Variants in FBXO46 observed in about 807,000 individuals in gnomAD.
FBXO46 encodes the protein F-box protein 46.
In FBXO46, 13 loss-of-function variants were observed where a neutral mutation model predicts 30.7. The ratio of observed to expected loss-of-function variants is 0.42; its 90% CI spans 0.28 to 0.67. The LOEUF is 0.67. FBXO46 is among the 30% of genes least tolerant of loss of function. The probability of loss-of-function intolerance (pLI) is 0.21; values close to 1 mark genes in which losing one functional copy is unlikely to be tolerated. For synonymous variants in FBXO46, 467 were observed against 385.8 expected (o/e 1.21, Z -2.47); for missense variants, 754 against 871.5 (o/e 0.87, Z 1.70).
At chr19:45,733,115 C>G (rs1968349748), upstream of FBXO46, 1 of 152,190 alleles carries the variant, frequency 6.6e-6, no homozygotes, top group Non-Finnish European at 1.5e-5. The surrounding 1 kb of genome is among the most constrained non-coding windows in gnomAD (Gnocchi z 5.7). Context: ...CGAGCTCGCT[C>G]TCTCTCTCTT....
At position 45,713,018 on chromosome 19, in the gene FBXO46, G is replaced by A. The variant is rs111806912; in HGVS notation, c.478C>T (p.Pro160Ser). 6.5e-4 allele frequency: 1,009 copies of A among 1,557,336 alleles called. 2 individuals are homozygous for A. In the African/African-American group the frequency reaches 0.012, roughly 18 times the overall value. ...REGPPAAEEG[P>S]ASAGEDVDLL... ...TCCACGTCCTCACCGGCTGAGGCGG[G>A]GCCCTCCTCAGCAGCAGGGGGGCCC... Residue 160 changes from proline to serine, a missense_variant, in exon 2 of 2, where the codon CCC becomes TCC. Coordinates refer to ENST00000317683, the MANE Select transcript of FBXO46 (RefSeq NM_001080469.2). This position sits in a 1 kb window ranked among gnomAD's most constrained non-coding sequence, Gnocchi z 4.7.
rs11537711 is a variant in FBXO46, at chr19:45,713,384, G to T, written c.112C>A (p.Pro38Thr). The T allele has an allele frequency of 0.13, 206,837 of 1,611,588 alleles. 13,682 individuals carry two copies. Among genetic ancestry groups the T allele is most frequent in the South Asian group, 0.15 (13,585 of 90,982 alleles). Reference protein sequence around the residue: ...PSAALKPSACPEPGGGAEPDH... With the variant: ...PSAALKPSACTEPGGGAEPDH... ...GGCTCGGCCCCGCCACCAGGCTCAG[G>T]GCAGGCTGATGGCTTGAGGGCCGCA... Residue 38 changes from proline (P) to threonine (T), a missense_variant, in exon 2 of 2, where the codon CCT becomes ACT. This residue lies in a region of FBXO46 where 97 missense variants were observed against 113.0 expected (regional missense o/e 0.86). Transcript: ENST00000317683. This position sits in a 1 kb window ranked among gnomAD's most constrained non-coding sequence, Gnocchi z 4.7.
Position 45,712,683 on chromosome 19 carries a change from G to A in FBXO46, c.813C>T (p.Pro271=), listed in dbSNP as rs371307704. ...IAFRISNGRE[P]RAPDSGLPSG... is the part of the protein sequence containing the mutation. ...TGGGCAGGCCGCTGTCTGGTGCACG[G>A]GGCTCCCGGCCGTTGGAGATGCGGA... Residue 271 remains proline (P), a synonymous_variant, in exon 2 of 2, where the codon CCC becomes CCT. Transcript: ENST00000317683. The surrounding 1 kb of genome is among the most constrained non-coding windows in gnomAD (Gnocchi z 8.8). 284 of 1,612,740 alleles carry A rather than the reference G, an allele frequency of 1.8e-4. No individual in the cohort carries two copies. The African/African-American group carries it at 3.5e-3, about 20-fold the overall frequency.
intron 1 of FBXO46, among the ~76,000 whole-genome samples, chr19:45,727,312 C>T (rs1968253092): frequency 6.6e-6 from 1 of 151,726 alleles, no homozygotes; most frequent in Non-Finnish European, 1.5e-5. Context: ...AATCCCAACA[C>T]TTAGGGAAGT....
chr19:45,733,062 A>C (rs1015437036), upstream of FBXO46, among the ~76,000 whole-genome samples: 1 of 152,038 alleles, frequency 6.6e-6, no homozygotes, highest in Non-Finnish European at 1.5e-5. The surrounding 1 kb of genome is among the most constrained non-coding windows in gnomAD (Gnocchi z 5.7). Flanking sequence ...AACTGAAGGG[A>C]AAAGGTGGAA....
At chr19:45,715,264 A>G (rs952035061) in intron 1 of FBXO46, 1 of 152,236 alleles carries the variant, frequency 6.6e-6, no homozygotes, top group East Asian at 1.9e-4. Context: ...TTAAACCTTG[A>G]AACTTCCACA....
chr19:45,731,339 C>A (rs904344817), upstream of FBXO46, among the ~76,000 whole-genome samples: 2 of 141,602 alleles, frequency 1.4e-5, no homozygotes, highest in African/African-American at 5.3e-5. Context: ...TTTTTTGAGA[C>A]GGAGTCTTGC....
In FBXO46 at chr19:45,711,157, A is replaced by T. The variant is rs1296601081; in HGVS notation, c.*527T>A. On this transcript the variant is annotated 3_prime_UTR_variant, in exon 2 of 2. Coordinates refer to ENST00000317683, the MANE Select transcript of FBXO46 (RefSeq NM_001080469.2). ...TCTAGAAATGGACTGTCATAAAAAAATGCCAGATCCCACCTGTGACCTGAC... is the reference window on the plus strand; with the variant it reads ...TCTAGAAATGGACTGTCATAAAAAATTGCCAGATCCCACCTGTGACCTGAC... The T allele has an allele frequency of 7.4e-6, 3 of 403,634 alleles. No individual in the cohort carries two copies. The highest frequency in any genetic ancestry group is 1.4e-5 in the Non-Finnish European group (3 of 208,788). The allele number at this position is 403,634 out of a possible 1,614,324, so 25.0% of individuals were successfully genotyped here. A position where few individuals can be genotyped will look rare whatever the true frequency, so the allele number is the denominator to read the frequency against.
At chr19:45,720,001 G>C (rs1202797795) in intron 1 of FBXO46, among the ~76,000 whole-genome samples, 1 of 152,146 alleles carries the variant, frequency 6.6e-6, no homozygotes, top group Non-Finnish European at 1.5e-5. Context: ...TTTTGTGAGT[G>C]TGTGTTTTGT....
chr19:45,718,084 G>A (rs1319401859), intron 1 of FBXO46, among the ~76,000 whole-genome samples: 1 of 152,086 alleles, frequency 6.6e-6, no homozygotes, highest in East Asian at 1.9e-4. Context: ...GCTCCCCAGT[G>A]CCCTCTGGAA....
intron 1 of FBXO46, among the ~76,000 whole-genome samples, chr19:45,722,096 G>T (rs1338453230): frequency 6.6e-6 from 1 of 152,110 alleles, no homozygotes; most frequent in African/African-American, 2.4e-5. Flanking sequence ...GGGATTACAG[G>T]CATGATGCAC....
At chr19:45,725,548 T>C (rs925539244) in intron 1 of FBXO46, among the ~76,000 whole-genome samples, 1 of 151,760 alleles carries the variant, frequency 6.6e-6, no homozygotes, top group African/African-American at 2.4e-5. Context: ...CTAGGCAACA[T>C]GGCAAAACCC....
chr19:45,718,942 TAAA>T (rs397954439), intron 1 of FBXO46, among the ~76,000 whole-genome samples: 1 of 119,424 alleles, frequency 8.4e-6, no homozygotes. Flanking sequence ...CATTACCCCT[TAAA>T]AAAAAAAAAA....
intron 1 of FBXO46, chr19:45,716,636 G>A (rs1339248847): frequency 1.3e-5 from 2 of 150,902 alleles, no homozygotes; most frequent in Non-Finnish European, 3.0e-5. Context: ...CGAACTCTTT[G>A]AAAACACAAA....
intron 1 of FBXO46, among the ~76,000 whole-genome samples, chr19:45,723,686 G>A (rs1025793149): frequency 2.6e-5 from 4 of 151,856 alleles, no homozygotes; most frequent in Admixed American, 6.6e-5. Context: ...CTTAGACGCA[G>A]TCTCACTCTG....
At chr19:45,729,913 T>G (rs2146164813) in intron 1 of FBXO46, among the ~76,000 whole-genome samples, 1 of 152,202 alleles carries the variant, frequency 6.6e-6, no homozygotes, top group Admixed American at 6.5e-5. Flanking sequence ...AGGAAATCCA[T>G]TAGCACCTGT....
chr19:45,714,003 C>T, intron 1 of FBXO46, among the ~76,000 whole-genome samples: 1 of 150,422 alleles, frequency 6.6e-6, no homozygotes, highest in Non-Finnish European at 1.5e-5. Flanking sequence ...AACTCTATTC[C>T]CACTGCCATG....
At chr19:45,721,274 G>A (rs981684455) in intron 1 of FBXO46, among the ~76,000 whole-genome samples, 2 of 152,038 alleles carry the variant, frequency 1.3e-5, no homozygotes, top group African/African-American at 4.8e-5. Flanking sequence ...GAGCCCGGAA[G>A]TGGAGGGTGC....
At chr19:45,720,186 C>T (rs890555515) in intron 1 of FBXO46, among the ~76,000 whole-genome samples, 1 of 151,766 alleles carries the variant, frequency 6.6e-6, no homozygotes, top group African/African-American at 2.4e-5. Flanking sequence ...TGTAACGGTG[C>T]GATCTCGGCT....
Sources: allele counts gnomAD v4.1 joint callset (sites outside exome capture counted in the v4.1 genomes callset), GRCh38; gene constraint gnomAD v4.1.1; regional missense constraint gnomAD v4.1.1; non-coding constraint Gnocchi (gnomAD v3.1); transcripts MANE v1.5; gene names NCBI Gene and HGNC (gene_info 2026-07-23, HGNC 2026-07-21).